The following C1orf105 variants were observed in gnomAD, a reference collection of about 807,000 sequenced individuals.
C1orf105 encodes chromosome 1 open reading frame 105.
In C1orf105, 17 loss-of-function variants were observed where a neutral mutation model predicts 20.8. The observed-to-expected ratio is 0.82, with a 90% CI of 0.56 to 1.23. C1orf105 has a LOEUF of 1.23. Ranked by LOEUF, C1orf105 falls within the 50% of genes most tolerant of loss-of-function variation. The pLI is 0.00. For missense variants in C1orf105, 219 were observed against 213.5 expected, an observed-to-expected ratio of 1.03 and a Z score of -0.16; for synonymous variants, 72 against 72.1, an observed-to-expected ratio of 1.00 and a Z score of 0.01.
chr1:172,463,692 C>T (rs1412710088), intron 5 of C1orf105, among the ~76,000 whole-genome samples: 2 of 152,186 alleles, frequency 1.3e-5, no homozygotes, highest in African/African-American at 4.8e-5. Context: ...TTTGTTGCCC[C>T]ATTTTACTTA....
chr1:172,452,498 ACAGGTGTG>A (rs762022476), intron 3 of C1orf105, among the ~76,000 whole-genome samples: 5 of 152,120 alleles, frequency 3.3e-5, no homozygotes, highest in Non-Finnish European at 7.3e-5. Flanking sequence ...TTTTATGTGA[ACAGGTGTG>A]TAAGAGAGAG....
intron 1 of C1orf105, chr1:172,441,748 A>C (rs757969129): frequency 6.4e-6 from 10 of 1,556,766 alleles, no homozygotes; most frequent in Non-Finnish European, 8.7e-6. Flanking sequence ...GAACCTGGAC[A>C]AGTCTTCCTT....
intron 2 of C1orf105, among the ~76,000 whole-genome samples, chr1:172,448,044 G>A (rs927538600): frequency 1.3e-5 from 2 of 152,240 alleles, no homozygotes; most frequent in Non-Finnish European, 2.9e-5. Context: ...GTTTCAGGGT[G>A]CAAGGACACA....
chr1:172,427,574 A>G (rs945273614), intron 1 of C1orf105, among the ~76,000 whole-genome samples: 12 of 152,116 alleles, frequency 7.9e-5, no homozygotes, highest in African/African-American at 2.9e-4. Context: ...TTTTTATTCC[A>G]GCACTCCAAC....
At chr1:172,436,556 T>C (rs2072046767) in intron 1 of C1orf105, among the ~76,000 whole-genome samples, 1 of 152,220 alleles carries the variant, frequency 6.6e-6, no homozygotes, top group African/African-American at 2.4e-5. Context: ...AAGCTGAAAC[T>C]GGATCCCTTC....
chr1:172,459,109 T>G (rs1649514307), intron 4 of C1orf105, among the ~76,000 whole-genome samples: 1 of 152,114 alleles, frequency 6.6e-6, no homozygotes, highest in Admixed American at 6.5e-5. Context: ...AACATAGGTA[T>G]AAAGCTTCAT....
At chr1:172,426,087 C>T (rs1313621680) in intron 1 of C1orf105, among the ~76,000 whole-genome samples, 1 of 152,122 alleles carries the variant, frequency 6.6e-6, no homozygotes, top group African/African-American at 2.4e-5. Context: ...ACTGTCTCCT[C>T]TATAATTCAC....
chr1:172,465,625 G>A (rs1461869570), intron 6 of C1orf105: 1 of 604,618 alleles, frequency 1.7e-6, no homozygotes, highest in Non-Finnish European at 3.1e-6. Context: ...CACAACATAT[G>A]GCTGAAGACT....
intron 1 of C1orf105, among the ~76,000 whole-genome samples, chr1:172,429,589 T>G (rs2149159984): frequency 6.6e-6 from 1 of 152,372 alleles, no homozygotes; most frequent in Admixed American, 6.5e-5. Context: ...GTTTTCTTTT[T>G]CTTGTCCTTG....
intron 1 of C1orf105, among the ~76,000 whole-genome samples, chr1:172,429,788 A>G (rs954438399): frequency 1.3e-5 from 2 of 152,242 alleles, no homozygotes; most frequent in African/African-American, 4.8e-5. Flanking sequence ...TTCTAGTTAC[A>G]TGCCAATCAT....
At chr1:172,461,760 GA>G (rs1359299511) in intron 4 of C1orf105, among the ~76,000 whole-genome samples, 13 of 152,148 alleles carry the variant, frequency 8.5e-5, no homozygotes, top group Admixed American at 8.5e-4. Flanking sequence ...GTCTATTAGG[GA>G]ACCCAGACAT....
intron 2 of C1orf105, 52 bp downstream of exon 2, chr1:172,445,210 A>AAATCATCTTCTG: frequency 2.8e-6 from 4 of 1,433,910 alleles, no homozygotes; most frequent in Non-Finnish European, 2.9e-6. Context: ...CTCACAGAAG[A>AAATCATCTTCTG]TGATTTCTTC....
chr1:172,464,911 G>T (rs539398594), intron 5 of C1orf105, among the ~76,000 whole-genome samples: 1 of 152,124 alleles, frequency 6.6e-6, no homozygotes, highest in East Asian at 1.9e-4. Flanking sequence ...AGGCCAGTGC[G>T]GTGGCTCACA....
At chr1:172,465,138 G>A (rs904993374) in intron 5 of C1orf105, among the ~76,000 whole-genome samples, 161 bp from the exon 6 acceptor site, 15 of 151,882 alleles carry the variant, frequency 9.9e-5, no homozygotes, top group African/African-American at 2.9e-4. Context: ...AGCCGAGATC[G>A]CACCACTGCA....
At chr1:172,432,149 C>A (rs2071892982) in intron 1 of C1orf105, among the ~76,000 whole-genome samples, 1 of 152,244 alleles carries the variant, frequency 6.6e-6, no homozygotes, top group Non-Finnish European at 1.5e-5. Flanking sequence ...TAGACTCCAC[C>A]TCTGTAGGCA....
chr1:172,431,250 T>G (rs1466285239), intron 1 of C1orf105: 1 of 437,650 alleles, frequency 2.3e-6, no homozygotes, highest in Non-Finnish European at 4.0e-6. Flanking sequence ...ACAGCCAAGT[T>G]GTGAATGCAA....
At chr1:172,428,917 A>G (rs556207039) in intron 1 of C1orf105, 48 of 622,780 alleles carry the variant, frequency 7.7e-5, no homozygotes, top group African/African-American at 6.9e-4. Flanking sequence ...AGTAGAGGGA[A>G]GCTTATGTAG....
At chr1:172,449,111 G>A (rs116124903) in intron 3 of C1orf105, among the ~76,000 whole-genome samples, 2,304 of 152,280 alleles carry the variant, frequency 0.015, 21 homozygotes, top group Non-Finnish European at 0.025. Flanking sequence ...GGCTGTCATA[G>A]GCAGTGCCTG....
rs1333154550 is a variant in C1orf105, at chr1:172,448,461, C to T, written c.128C>T (p.Thr43Ile). Residue 43 changes from threonine (T) to isoleucine (I), a missense_variant, in exon 3 of 7, where the codon ACT (threonine) becomes ATT (isoleucine). Coordinates refer to ENST00000367727, the MANE Select transcript of C1orf105 (RefSeq NM_139240.4). ...CTTAGATATCCTCATACCTCTGCGA[C>T]TTTTCTGACTTCATCCAAGAAGAAT... The part of the protein sequence containing the change: ...LPRRYPHTSA[T>I]FLTSSKKNMN... 1 of 1,612,728 alleles carries T rather than the reference C, an allele frequency of 6.2e-7. No homozygotes were observed. Among genetic ancestry groups the T allele is most frequent in the Non-Finnish European group, 8.5e-7 (1 of 1,178,722 alleles).
Sources: allele counts gnomAD v4.1 joint callset (sites outside exome capture counted in the v4.1 genomes callset), GRCh38; gene constraint gnomAD v4.1.1; transcripts MANE v1.5; gene names NCBI Gene and HGNC (gene_info 2026-07-23, HGNC 2026-07-21).